The following JAKMIP1 variants were observed in gnomAD, a reference collection of about 807,000 sequenced individuals.
JAKMIP1 encodes janus kinase and microtubule-interacting protein 1.
In JAKMIP1, 33 loss-of-function variants were observed where a neutral mutation model predicts 113.0. The observed-to-expected ratio is 0.29, with a 90% CI of 0.22 to 0.39. JAKMIP1 has a LOEUF of 0.39. Ranked by LOEUF, JAKMIP1 falls within the 10% of genes least tolerant of loss-of-function variation. The pLI is 1.00. For missense variants in JAKMIP1, 813 were observed against 1,080.5 expected, an observed-to-expected ratio of 0.75 and a Z score of 3.47; for synonymous variants, 480 against 459.9, an observed-to-expected ratio of 1.04 and a Z score of -0.56.
rs917156580 is a variant in JAKMIP1, at chr4:6,061,957, C to CG, written c.1560+354dup. Among the ~76,000 whole-genome samples the CG allele has an allele frequency of 6.6e-6, 1 of 152,104 alleles. No homozygotes were observed. The highest frequency in any genetic ancestry group is 2.4e-5 in the African/African-American group (1 of 41,422). On this transcript the variant is annotated intron_variant, in intron 10 of 20. Coordinates refer to ENST00000409021, the MANE Select transcript of JAKMIP1 (RefSeq NM_001099433.2). The surrounding 1 kb of genome is among the most constrained non-coding windows in gnomAD (Gnocchi z 5.3). Reference sequence around the variant, plus strand: ...GTGTTCTGGTGGATGTCCTGGAGGGCGGGGGGCTGGCAGCCCTGGAGGGAG... The same window carrying CG: ...GTGTTCTGGTGGATGTCCTGGAGGGCGGGGGGGCTGGCAGCCCTGGAGGGAG...
rs1310608135 is a variant in JAKMIP1, at chr4:6,094,866, C to T, written c.625-9237G>A. 6.6e-6 allele frequency among the ~76,000 whole-genome samples: 1 copy of T among 151,968 alleles called. No homozygotes were observed. Among genetic ancestry groups the T allele is most frequent in the Non-Finnish European group, 1.5e-5 (1 of 68,008 alleles). On this transcript the variant is annotated intron_variant, in intron 3 of 20. Transcript: ENST00000409021. This position sits in a 1 kb window ranked among gnomAD's most constrained non-coding sequence, Gnocchi z 4.2. ...AAAAAATTAGCTGGGCATAGGTGGTCCTGGCTATTCAGGAGGCTGAGGTGG... is the reference window on the plus strand; with the variant it reads ...AAAAAATTAGCTGGGCATAGGTGGTTCTGGCTATTCAGGAGGCTGAGGTGG...
At chr4:6,092,548 A>T (rs1411901879) in intron 3 of JAKMIP1, among the ~76,000 whole-genome samples, 1 of 152,212 alleles carries the variant, frequency 6.6e-6, no homozygotes, top group Non-Finnish European at 1.5e-5. Flanking sequence ...CCCAGCTATG[A>T]AAGTCTATAG....
rs1347570106 is a variant in JAKMIP1, at chr4:6,192,857, C to A, written c.-148+7396G>T. 3.9e-5 allele frequency among the ~76,000 whole-genome samples: 6 copies of A among 152,164 alleles called. No homozygotes were observed. In the South Asian group the frequency reaches 1.2e-3, roughly 32 times the overall value. On this transcript the variant is annotated intron_variant, in intron 1 of 20. Transcript: ENST00000409021. The surrounding 1 kb of genome is among the most constrained non-coding windows in gnomAD (Gnocchi z 5.0). ...AGCCGCTATCTGGGACAGTCAAAGA[C>A]CTCCCCAAGGAGGAGAAATTTAGGC...
chr4:6,117,941 C>T (rs1716079200), intron 1 of JAKMIP1, among the ~76,000 whole-genome samples: 2 of 152,138 alleles, frequency 1.3e-5, no homozygotes, highest in Admixed American at 1.3e-4. Context: ...TTCAGGGTGC[C>T]CACATTTCAT....
rs1450176778 is a variant in JAKMIP1 at position 6,138,224 on chromosome 4, C to T, written c.-147-25227G>A. ...ATGAAAGCTGGGGTACCCCAGAACC[C>T]AAGTTAATTTAATTTTTATTTATTT... On this transcript the variant is annotated intron_variant, in intron 1 of 20. Coordinates refer to ENST00000409021, the MANE Select transcript of JAKMIP1 (RefSeq NM_001099433.2). This position sits in a 1 kb window ranked among gnomAD's most constrained non-coding sequence, Gnocchi z 6.0. Among the ~76,000 whole-genome samples the T allele has an allele frequency of 1.3e-5, 2 of 152,086 alleles. No homozygotes were observed. Among genetic ancestry groups the T allele is most frequent in the Non-Finnish European group, 2.9e-5 (2 of 68,012 alleles).
rs1553821445 is a variant in JAKMIP1, at chr4:6,081,014, C to CAA, written c.1101+594_1101+595insTT. 1.3e-5 allele frequency among the ~76,000 whole-genome samples: 2 copies of CAA among 151,236 alleles called. No individual in the cohort carries two copies. The highest frequency in any genetic ancestry group is 4.9e-5 in the African/African-American group (2 of 41,150). Reference sequence around the variant, plus strand: ...ACACACACACACACACACACACACACCTGCATCTGCTACAGTGCAGACAGC... The same window carrying CAA: ...ACACACACACACACACACACACACACAACTGCATCTGCTACAGTGCAGACAGC... On this transcript the variant is annotated intron_variant, in intron 6 of 20. Transcript: ENST00000409021. The surrounding 1 kb of genome is among the most constrained non-coding windows in gnomAD (Gnocchi z 4.6).
chr4:6,195,188 G>C (rs1463065314), intron 1 of JAKMIP1, among the ~76,000 whole-genome samples: 1 of 152,210 alleles, frequency 6.6e-6, no homozygotes, highest in African/African-American at 2.4e-5. Context: ...ACATAAGTCT[G>C]ATGTCAAAGC....
chr4:6,127,786 C>T (rs905378526), intron 1 of JAKMIP1, among the ~76,000 whole-genome samples: 1 of 152,262 alleles, frequency 6.6e-6, no homozygotes, highest in African/African-American at 2.4e-5. Flanking sequence ...CACTCGGGCT[C>T]ACCCTTGGCA....
intron 1 of JAKMIP1, among the ~76,000 whole-genome samples, chr4:6,130,645 T>G (rs190622091): frequency 1.3e-5 from 2 of 151,540 alleles, no homozygotes; most frequent in East Asian, 3.9e-4. Flanking sequence ...GCAGACAACA[T>G]GCAAAACCAG....
At chr4:6,171,028 CCAT>C (rs1248719231) in intron 1 of JAKMIP1, among the ~76,000 whole-genome samples, 4 of 151,232 alleles carry the variant, frequency 2.6e-5, no homozygotes, top group South Asian at 2.1e-4. Flanking sequence ...ATAATCACCA[CCAT>C]CACCACCCTC....
intron 3 of JAKMIP1, among the ~76,000 whole-genome samples, chr4:6,098,025 G>A (rs916591388): frequency 6.6e-6 from 1 of 152,216 alleles, no homozygotes; most frequent in Non-Finnish European, 1.5e-5. Context: ...GTAGTGTCGA[G>A]TTTGGAGTTC....
rs1239214147 is a variant in JAKMIP1 at position 6,183,506 on chromosome 4, A to AAATAAATAAATAAATAAATAAATAAATT, written c.-148+16746_-148+16747insAATTTATTTATTTATTTATTTATTTATT. ...TAAATAAATAAATAAATAAATAAAT[A>AAATAAATAAATAAATAAATAAATAAATT]AATTTAAAAAAGAAAGTAAAATGGA... On this transcript the variant is annotated intron_variant, in intron 1 of 20. Coordinates refer to ENST00000409021, the MANE Select transcript of JAKMIP1 (RefSeq NM_001099433.2). The surrounding 1 kb of genome is among the most constrained non-coding windows in gnomAD (Gnocchi z 5.3). 1.7e-4 allele frequency among the ~76,000 whole-genome samples: 25 copies of AAATAAATAAATAAATAAATAAATAAATT among 151,278 alleles called. No individual in the cohort carries two copies. Among genetic ancestry groups the AAATAAATAAATAAATAAATAAATAAATT allele is most frequent in the East Asian group, 3.9e-4 (2 of 5,164 alleles).
In JAKMIP1 at chr4:6,069,369, G is replaced by C. The variant is rs1718626637; in HGVS notation, c.1303-4361C>G. Among the ~76,000 whole-genome samples, 1 of 152,184 alleles carries C rather than the reference G, an allele frequency of 6.6e-6. No homozygotes were observed. Among genetic ancestry groups the C allele is most frequent in the African/African-American group, 2.4e-5 (1 of 41,446 alleles). On this transcript the variant is annotated intron_variant, in intron 8 of 20. Transcript: ENST00000409021. This position sits in a 1 kb window ranked among gnomAD's most constrained non-coding sequence, Gnocchi z 4.5. Reference sequence around the variant, plus strand: ...TCTGAGCCCATCTACTGAATAAAAAGGTAATTCCTCTAGCCTTCCATGTTC... The same window carrying C: ...TCTGAGCCCATCTACTGAATAAAAACGTAATTCCTCTAGCCTTCCATGTTC...
At chr4:6,148,719 G>A (rs1721183703) in intron 1 of JAKMIP1, among the ~76,000 whole-genome samples, 2 of 152,206 alleles carry the variant, frequency 1.3e-5, no homozygotes, top group African/African-American at 4.8e-5. Context: ...GTTTATCACT[G>A]TGCCTCCAAC....
rs1043760975 is a variant in JAKMIP1, at chr4:6,178,086, T to A, written c.-148+22167A>T. On this transcript the variant is annotated intron_variant, in intron 1 of 20. Coordinates refer to ENST00000409021, the MANE Select transcript of JAKMIP1 (RefSeq NM_001099433.2). This position sits in a 1 kb window ranked among gnomAD's most constrained non-coding sequence, Gnocchi z 5.5. Reference sequence around the variant, plus strand: ...CGCCTCGTTGGCCACGCCCACTTCATGCTTCCTGTCCCCGACCCTCCTCCC... The same window carrying A: ...CGCCTCGTTGGCCACGCCCACTTCAAGCTTCCTGTCCCCGACCCTCCTCCC... Among the ~76,000 whole-genome samples the A allele has an allele frequency of 3.9e-5, 6 of 152,328 alleles. No individual in the cohort carries two copies. Among genetic ancestry groups the A allele is most frequent in the Admixed American group, 3.3e-4 (5 of 15,302 alleles).
chr4:6,171,297 TAACATC>T (rs1724670123), intron 1 of JAKMIP1, among the ~76,000 whole-genome samples: 1 of 145,612 alleles, frequency 6.9e-6, no homozygotes, highest in Admixed American at 6.8e-5. Flanking sequence ...CCACCACCAT[TAACATC>T]AACACCATCA....
chr4:6,149,610 T>C (rs368091150), intron 1 of JAKMIP1, among the ~76,000 whole-genome samples: 2 of 152,296 alleles, frequency 1.3e-5, no homozygotes, highest in African/African-American at 4.8e-5. Context: ...ATTAAAGAAA[T>C]AGGGCAAAAA....
intron 1 of JAKMIP1, among the ~76,000 whole-genome samples, chr4:6,174,071 C>T (rs1170454606): frequency 1.3e-5 from 2 of 152,126 alleles, no homozygotes; most frequent in Non-Finnish European, 2.9e-5. Context: ...TACATACGTA[C>T]ATACATACAT....
intron 8 of JAKMIP1, among the ~76,000 whole-genome samples, chr4:6,066,967 A>G (rs1163791696): frequency 1.3e-5 from 2 of 151,848 alleles, no homozygotes; most frequent in Non-Finnish European, 2.9e-5. Flanking sequence ...CAGAATCCAC[A>G]TGTCTCCTTC....
Sources: gnomAD v4.1 joint callset for allele counts (sites outside exome capture counted in the v4.1 genomes callset) on GRCh38, gnomAD v4.1.1 for gene constraint, Gnocchi (gnomAD v3.1) non-coding constraint, MANE v1.5 for transcripts, NCBI Gene and HGNC (gene_info 2026-07-23, HGNC 2026-07-21) for gene names.